The following TPSG1 variants were observed in gnomAD, a reference collection of about 807,000 sequenced individuals.
TPSG1 encodes the protein tryptase gamma.
TPSG1 carries 43 observed loss-of-function variants against 23.8 expected under a neutral mutation model. The observed-to-expected ratio is 1.81, with a 90% CI of 1.42 to 2.33. The LOEUF (loss-of-function observed/expected upper bound fraction) is 2.33, where lower values mean the gene tolerates loss of function less well. TPSG1 is among the 30% of genes most tolerant of loss of function. The pLI is 0.00. For missense variants in TPSG1, 623 were observed against 438.6 expected (o/e 1.42, Z -3.75); for synonymous variants, 302 against 201.3 (o/e 1.50, Z -4.23).
intron 1 of TPSG1, 44 bp from the exon 2 acceptor site, chr16:1,224,672 G>C: frequency 3.7e-6 from 6 of 1,613,146 alleles, no homozygotes; most frequent in Non-Finnish European, 5.1e-6. Context: ...GGCTGCCAAG[G>C]AGAGGGGTGT....
chr16:1,222,264 GATA>G lies in TPSG1; in HGVS notation c.586_588del (p.Tyr196del). The stretch of plus-strand genomic sequence containing the variant: ...TGAAGGATGCTGCCCCCGGGGCCGG[GATA>G]GTCCCGGCGGCAGGTCTCTGTGTCC... On this transcript the variant is annotated inframe_deletion, in exon 5 of 6. Coordinates refer to ENST00000234798, the MANE Select transcript of TPSG1 (RefSeq NM_012467.4). 6.2e-7 allele frequency: 1 copy of G among 1,612,160 alleles called. No individual in the cohort carries two copies. Among genetic ancestry groups the G allele is most frequent in the Non-Finnish European group, 8.5e-7 (1 of 1,179,786 alleles).
intron 1 of TPSG1, 114 bp downstream of exon 1, chr16:1,225,093 G>T: frequency 1.5e-6 from 2 of 1,359,422 alleles, no homozygotes; most frequent in Non-Finnish European, 2.0e-6. Context: ...GCCCCACAGG[G>T]TGGGGACTCA....
At chr16:1,224,821 A>G (rs2030059086) in intron 1 of TPSG1, 193 bp from the exon 2 acceptor site, 6 of 681,480 alleles carry the variant, frequency 8.8e-6, no homozygotes, top group East Asian at 2.8e-5. Context: ...GCCACAGGCC[A>G]TAAACGGCAG....
At position 1,222,310 on chromosome 16, in the gene TPSG1, C is replaced by T. The variant is rs770633143; in HGVS notation, c.543G>A (p.Glu181=). 2 of 1,608,786 alleles carry T rather than the reference C, an allele frequency of 1.2e-6. No homozygotes were observed. The highest frequency in any genetic ancestry group is 1.7e-6 in the Non-Finnish European group (2 of 1,178,092). Residue 181 remains glutamate, a synonymous_variant, in exon 5 of 6, where the codon GAG becomes GAA. Transcript: ENST00000234798. ...CTGTGTCCACCACGGAGACTTTCAC[C>T]TCCCGCAGGCTGTACGGGGGTGGCA... The part of the protein sequence containing the change: ...EPLPPPYSLR[E]VKVSVVDTET...
In TPSG1 at chr16:1,222,785, G is replaced by A. The variant is rs61736412; in HGVS notation, c.378C>T (p.Ile126=). ...CGGGGACACTGAGCTCCACCAGGGC[G>A]ATGTCCCCGCTGGTCCCCGGCTGTC... The part of the protein sequence containing the change: ...PSGQPGTSGD[I]ALVELSVPVT... Residue 126 remains isoleucine, a synonymous_variant, in exon 4 of 6, where the codon ATC becomes ATT. Coordinates refer to ENST00000234798, the MANE Select transcript of TPSG1 (RefSeq NM_012467.4). 1,832 of 1,612,382 alleles carry A rather than the reference G, an allele frequency of 1.1e-3. 4 individuals carry two copies. Among genetic ancestry groups the A allele is most frequent in the African/African-American group, 0.01 (782 of 75,044 alleles).
rs541965897 is a variant in TPSG1, at chr16:1,223,852, G to T, written c.74-258C>A. 34 of 515,842 alleles carry T rather than the reference G, an allele frequency of 6.6e-5. No individual in the cohort carries two copies. In the South Asian group the frequency reaches 8.7e-4, roughly 13 times the overall value. 32.0% of individuals were successfully genotyped at this position (515,842 alleles called of 1,614,324 possible). On this transcript the variant is annotated intron_variant, in intron 2 of 5. Coordinates refer to ENST00000234798, the MANE Select transcript of TPSG1 (RefSeq NM_012467.4). ...ACTAACCAGGGCTCCCGGAGGCGGT[G>T]GAAAGGCTGCAGAGGGCCCCTAGGC...
intron 1 of TPSG1, 43 bp from the exon 2 acceptor site, chr16:1,224,671 GGA>G (rs1414307978): frequency 1.2e-6 from 2 of 1,613,072 alleles, no homozygotes; most frequent in Non-Finnish European, 1.7e-6. Context: ...GGGCTGCCAA[GGA>G]GAGGGGTGTG....
chr16:1,224,336 A>G (rs997535918), intron 2 of TPSG1, among the ~76,000 whole-genome samples: 1 of 151,942 alleles, frequency 6.6e-6, no homozygotes, highest in Middle Eastern at 3.2e-3. Context: ...CGCTGTGGGG[A>G]GAAAGTTCGA....
chr16:1,221,855 C>G lies in TPSG1; in HGVS notation c.899G>C (p.Cys300Ser). ...LPGLFLLLVS[C>S]VLLAKCLLHP... Reference sequence around the variant, plus strand: ...CAGCAGGCACTTGGCCAGCAGGACACAGGAGACTAGCAGAAGGAAGAGGCC... The same window carrying G: ...CAGCAGGCACTTGGCCAGCAGGACAGAGGAGACTAGCAGAAGGAAGAGGCC... The change falls in exon 6 of 6, where the codon TGT becomes TCT. Residue 300 changes from cysteine (C) to serine (S), a missense_variant. Cys to Ser is a moderately radical substitution (Grantham distance 112). Coordinates refer to ENST00000234798, the MANE Select transcript of TPSG1 (RefSeq NM_012467.4). 1.2e-6 allele frequency: 2 copies of G among 1,611,992 alleles called. No individual in the cohort carries two copies. The highest frequency in any genetic ancestry group is 1.1e-5 in the South Asian group (1 of 90,956).
rs777916093 is a variant in TPSG1 at position 1,225,227 on chromosome 16, A to G, written c.26T>C (p.Leu9Pro). 2 of 1,578,454 alleles carry G rather than the reference A, an allele frequency of 1.3e-6. No individual in the cohort carries two copies. The highest frequency in any genetic ancestry group is 1.3e-5 in the African/African-American group (1 of 74,432). The change falls in exon 1 of 6, where the codon CTG becomes CCG. Residue 9 changes from leucine to proline, a missense_variant. By Grantham distance (98) the Leu-to-Pro change is moderately conservative. Transcript: ENST00000234798. Reference sequence around the variant, plus strand: ...CCCACCGGGCACAGCCAGGAGCAGCAGGAGGCCACAGGCCCCAAGGGCCAT... The same window carrying G: ...CCCACCGGGCACAGCCAGGAGCAGCGGGAGGCCACAGGCCCCAAGGGCCAT... MALGACGL[L>P]LLLAVPGVSL...
At chr16:1,222,156 T>G (rs1970525663) in intron 5 of TPSG1, 40 bp downstream of exon 5, 7 of 1,611,514 alleles carry the variant, frequency 4.3e-6, no homozygotes, top group Admixed American at 1.7e-5. Flanking sequence ...TCCCTGGGCT[T>G]CAGCCGCCCC....
At position 1,222,927 on chromosome 16, in the gene TPSG1, A is replaced by G; in HGVS notation, c.246-10T>C. The G allele has an allele frequency of 6.3e-7, 1 of 1,587,168 alleles. No individual in the cohort carries two copies. The highest frequency in any genetic ancestry group is 8.6e-7 in the Non-Finnish European group (1 of 1,163,036). ...GGATGAGTTCAGGGACCTGGGAGGGAAGGTGGCTGGGTGAGAGGGGCCAGC... is the reference window on the plus strand; with the variant it reads ...GGATGAGTTCAGGGACCTGGGAGGGGAGGTGGCTGGGTGAGAGGGGCCAGC... On this transcript the variant is annotated splice_polypyrimidine_tract_variant and intron_variant, in intron 3 of 5. Transcript: ENST00000234798.
chr16:1,225,075 G>T (rs2030074872), intron 1 of TPSG1, 132 bp downstream of exon 1: 4 of 1,088,770 alleles, frequency 3.7e-6, no homozygotes, highest in South Asian at 1.6e-5. Context: ...CTTCAGAGGA[G>T]ACACGGGGCC....
In TPSG1 at chr16:1,222,219, G is replaced by A. The variant is rs200905550; in HGVS notation, c.634C>T (p.Arg212Trp). 1.1e-4 allele frequency: 182 copies of A among 1,611,700 alleles called. No individual in the cohort carries two copies. The Admixed American group carries it at 1.3e-3, about 11-fold the overall frequency. The change falls in exon 5 of 6, where the codon CGG (arginine) becomes TGG (tryptophan). Residue 212 changes from arginine to tryptophan, a missense_variant. By Grantham distance (101) the Arg-to-Trp change is moderately radical. Transcript: ENST00000234798. ...SILQPDMLCARGPGDACQDDS... is the reference protein window; with the variant it reads ...SILQPDMLCAWGPGDACQDDS... ...ACCTGGCAGGCATCCCCGGGGCCCC[G>A]GGCACACAGCATGTCGGGCTGAAGG...
Position 1,222,825 on chromosome 16 carries a change from T to C in TPSG1, c.338A>G (p.His113Arg), listed in dbSNP as rs1222094434. The C allele has an allele frequency of 6.2e-7, 1 of 1,611,542 alleles. No homozygotes were observed. Among genetic ancestry groups the C allele is most frequent in the Non-Finnish European group, 8.5e-7 (1 of 1,179,568 alleles). ...CCCCGGCTGTCCTGAGGGGCTGGAG[T>C]GCAGGATGATCTGCCTCACGGTGGA... ...HFSTVRQIILHSSPSGQPGTS... is the reference protein window; with the variant it reads ...HFSTVRQIILRSSPSGQPGTS... Residue 113 changes from histidine to arginine, a missense_variant, in exon 4 of 6, where the codon CAC becomes CGC. Physicochemically the swap from His to Arg is conservative, Grantham distance 29. Transcript: ENST00000234798.
intron 4 of TPSG1, 78 bp downstream of exon 4, chr16:1,222,574 A>G (rs1220012987): frequency 3.3e-6 from 5 of 1,501,790 alleles, no homozygotes; most frequent in Non-Finnish European, 3.6e-6. Flanking sequence ...AGGTGGTAGC[A>G]TCAGCATCCC....
At chr16:1,224,457 G>A (rs555147740) in intron 2 of TPSG1, 145 bp downstream of exon 2, 64 of 1,036,502 alleles carry the variant, frequency 6.2e-5, no homozygotes, top group African/African-American at 4.3e-4. Flanking sequence ...CCACTCAACC[G>A]AGAGATGCGA....
At position 1,222,595 on chromosome 16, in the gene TPSG1, T is replaced by C. The variant is rs567335898; in HGVS notation, c.511+57A>G. On this transcript the variant is annotated intron_variant, in intron 4 of 5. Transcript: ENST00000234798. ...TAGCATCAGCATCCCTCAAGCCAGC[T>C]CTCTTCCTGCCGCCCTTGCCTTCCT... 41 of 1,514,718 alleles carry C rather than the reference T, an allele frequency of 2.7e-5. No individual in the cohort carries two copies. In the African/African-American group the frequency reaches 5.1e-4, roughly 19 times the overall value. The allele number at this position is 1,514,718 out of a possible 1,614,324, so 93.8% of individuals were successfully genotyped here.
In TPSG1 at chr16:1,224,730, G is replaced by C. The variant is rs946071338; in HGVS notation, c.47-102C>G. 15 of 1,485,008 alleles carry C rather than the reference G, an allele frequency of 1.0e-5. No homozygotes were observed. The African/African-American group carries it at 1.9e-4, about 19-fold the overall frequency. The allele number at this position is 1,485,008 out of a possible 1,614,324, so 92.0% of individuals were successfully genotyped here. On this transcript the variant is annotated intron_variant, in intron 1 of 5. Transcript: ENST00000234798. Reference sequence around the variant, plus strand: ...AGGCCTCAGGGCGGCACTGGGGTGGGGCCTGGTCCTGAGCAGAGGGGCCCG... The same window carrying C: ...AGGCCTCAGGGCGGCACTGGGGTGGCGCCTGGTCCTGAGCAGAGGGGCCCG...
Sources: gnomAD v4.1 joint callset for allele counts (sites outside exome capture counted in the v4.1 genomes callset) on GRCh38, gnomAD v4.1.1 for gene constraint, MANE v1.5 for transcripts, NCBI Gene and HGNC (gene_info 2026-07-23, HGNC 2026-07-21) for gene names.